ACAD11: variants seen among roughly 807,000 people sequenced by gnomAD.
ACAD11 encodes acyl-Coenzyme A dehydrogenase family, member 11.
A neutral mutation model predicts 102.2 loss-of-function variants in ACAD11; 83 were observed. That is an observed-to-expected ratio of 0.81 (90% CI 0.68 to 0.97). ACAD11 has a LOEUF of 0.97. Among genes scored for constraint, ACAD11 ranks in the 50% least tolerant of loss-of-function variants. The probability of loss-of-function intolerance (pLI) is 0.00; values close to 1 mark genes in which losing one functional copy is unlikely to be tolerated. For synonymous variants in ACAD11, 324 were observed against 319.8 expected (o/e 1.01, Z -0.14); for missense variants, 901 against 951.7 (o/e 0.95, Z 0.70).
At chr3:132,635,427 T>A (rs1181504312) in intron 5 of ACAD11, among the ~76,000 whole-genome samples, 1 of 152,224 alleles carries the variant, frequency 6.6e-6, no homozygotes, top group Admixed American at 6.5e-5. Context: ...TCCATATAAC[T>A]GTGTGTGCTT....
In ACAD11 at chr3:132,595,128, A is replaced by G. The variant is rs550270377; in HGVS notation, c.1621+8101T>C. Reference sequence around the variant, plus strand: ...GTCCAGATGGATGAGGGTTATTTTAAGTAGAGTAGTGAAGAATTGCCTCAG... The same window carrying G: ...GTCCAGATGGATGAGGGTTATTTTAGGTAGAGTAGTGAAGAATTGCCTCAG... On this transcript the variant is annotated intron_variant, in intron 13 of 19. Transcript: ENST00000264990. 2.0e-5 allele frequency among the ~76,000 whole-genome samples: 3 copies of G among 152,276 alleles called. No homozygotes were observed. The East Asian group carries it at 5.8e-4, about 29-fold the overall frequency.
At chr3:132,601,717 C>A (rs1243521875) in intron 13 of ACAD11, 2 of 446,226 alleles carry the variant, frequency 4.5e-6, no homozygotes, top group South Asian at 2.2e-5. Flanking sequence ...CGAAGAAGAG[C>A]TTTGTGGTGA....
At position 132,579,459 on chromosome 3, in the gene ACAD11, A is replaced by G. The variant is rs1318850556; in HGVS notation, c.1688+33T>C. 2.6e-6 allele frequency: 4 copies of G among 1,567,634 alleles called. No homozygotes were observed. The South Asian group carries it at 4.5e-5, about 17-fold the overall frequency. The stretch of plus-strand genomic sequence containing the variant: ...ATAGGAGGAAGACTGGCTCATTCCT[A>G]CACAGGTTTCTCAATCAGAATTGTT... On this transcript the variant is annotated intron_variant, in intron 14 of 19. Transcript: ENST00000264990.
At chr3:132,621,579 G>T (rs1361557867) in intron 9 of ACAD11, among the ~76,000 whole-genome samples, 1 of 152,120 alleles carries the variant, frequency 6.6e-6, no homozygotes, top group Non-Finnish European at 1.5e-5. Context: ...AAAGGAAAGG[G>T]AAAAGTTTAC....
chr3:132,599,304 G>T (rs1458060916), intron 13 of ACAD11, among the ~76,000 whole-genome samples: 5 of 152,024 alleles, frequency 3.3e-5, no homozygotes, highest in African/African-American at 9.7e-5. Context: ...TCAGGAGTGC[G>T]AGAACAGTCT....
Position 132,566,804 on chromosome 3 carries a change from A to G in ACAD11, c.2002-5587T>C, listed in dbSNP as rs114457585. Among the ~76,000 whole-genome samples the G allele has an allele frequency of 3.7e-3, 563 of 152,302 alleles. 5 individuals carry two copies. Among genetic ancestry groups the G allele is most frequent in the African/African-American group, 0.012 (503 of 41,580 alleles). On this transcript the variant is annotated intron_variant, in intron 17 of 19. Coordinates refer to ENST00000264990, the MANE Select transcript of ACAD11 (RefSeq NM_032169.5). ...CTCTAAATGGAAAGAAAAAGATAAAAGAAGAAACCTTGGAAAATCAGGAAA... is the reference window on the plus strand; with the variant it reads ...CTCTAAATGGAAAGAAAAAGATAAAGGAAGAAACCTTGGAAAATCAGGAAA...
Position 132,561,130 on chromosome 3 carries a change from T to A in ACAD11, c.2089A>T (p.Thr697Ser). The A allele has an allele frequency of 5.0e-6, 8 of 1,613,228 alleles. No individual in the cohort carries two copies. The highest frequency in any genetic ancestry group is 6.8e-6 in the Non-Finnish European group (8 of 1,179,546). ...LTLKAAHSMD[T>S]LGSAGAKKEI... ...TTCTTAGCGCCAGCACTGCCCAGAGTGTCCATGCTGTGAGCAGCTTTCAGA... is the reference window on the plus strand; with the variant it reads ...TTCTTAGCGCCAGCACTGCCCAGAGAGTCCATGCTGTGAGCAGCTTTCAGA... Residue 697 changes from threonine (T) to serine (S), a missense_variant, in exon 18 of 20, where the codon ACT becomes TCT. Coordinates refer to ENST00000264990, the MANE Select transcript of ACAD11 (RefSeq NM_032169.5).
chr3:132,582,246 A>G (rs1937611901), intron 13 of ACAD11, among the ~76,000 whole-genome samples: 1 of 151,936 alleles, frequency 6.6e-6, no homozygotes, highest in Non-Finnish European at 1.5e-5. Flanking sequence ...TGGAGAGCCA[A>G]TGGATACTGT....
At position 132,579,141 on chromosome 3, in the gene ACAD11, A is replaced by G. The variant is rs1209144760; in HGVS notation, c.1689-260T>C. 5 of 1,152,472 alleles carry G rather than the reference A, an allele frequency of 4.3e-6. No homozygotes were observed. The Admixed American group carries it at 1.3e-4, about 30-fold the overall frequency. The allele number at this position is 1,152,472 out of a possible 1,614,324, so 71.4% of individuals were successfully genotyped here. ...TCAACAATGGTAACTGGGAACTTAT[A>G]TATATAATTAAACATTTCAAGATTA... On this transcript the variant is annotated intron_variant, in intron 14 of 19. Transcript: ENST00000264990.
intron 9 of ACAD11, 34 bp from the exon 10 acceptor site, chr3:132,619,579 TA>T (rs757772389): frequency 3.3e-6 from 4 of 1,206,400 alleles, no homozygotes; most frequent in Admixed American, 4.7e-5. Context: ...TTTCACTAGC[TA>T]AAGTTAATAC....
intron 13 of ACAD11, among the ~76,000 whole-genome samples, chr3:132,585,818 A>T (rs1329566272): frequency 6.6e-6 from 1 of 151,938 alleles, no homozygotes; most frequent in Non-Finnish European, 1.5e-5. Context: ...TTAGAATGGC[A>T]ATCATTAAAA....
At chr3:132,624,086 G>A (rs2107855234) in intron 9 of ACAD11, among the ~76,000 whole-genome samples, 1 of 151,482 alleles carries the variant, frequency 6.6e-6, no homozygotes, top group South Asian at 2.1e-4. Flanking sequence ...AGGCTGAGGT[G>A]GGAGGATTGC....
chr3:132,622,471 A>T (rs966744871), intron 9 of ACAD11, among the ~76,000 whole-genome samples: 1 of 152,146 alleles, frequency 6.6e-6, no homozygotes, highest in Non-Finnish European at 1.5e-5. Flanking sequence ...TACATTTCTC[A>T]TTTTCTAATC....
intron 12 of ACAD11, among the ~76,000 whole-genome samples, chr3:132,604,737 T>C (rs1938763704): frequency 6.6e-6 from 1 of 152,202 alleles, no homozygotes; most frequent in Non-Finnish European, 1.5e-5. Flanking sequence ...TAAGTATCAA[T>C]ATAAAATTAT....
chr3:132,585,716 T>C (rs931285841), intron 13 of ACAD11, among the ~76,000 whole-genome samples: 3 of 152,260 alleles, frequency 2.0e-5, no homozygotes, highest in Non-Finnish European at 4.4e-5. Flanking sequence ...AAGACATTTA[T>C]GCAGCCAAAA....
At chr3:132,646,186 G>A (rs1251072064) in intron 1 of ACAD11, among the ~76,000 whole-genome samples, 1 of 152,070 alleles carries the variant, frequency 6.6e-6, no homozygotes, top group Non-Finnish European at 1.5e-5. Flanking sequence ...CCGTGGTCTC[G>A]ATCTCTTGAC....
intron 16 of ACAD11, 85 bp downstream of exon 16, chr3:132,576,859 A>C (rs1559936194): frequency 9.8e-7 from 1 of 1,018,396 alleles, no homozygotes; most frequent in African/African-American, 1.6e-5. Context: ...CTTCAGGTCT[A>C]AATCTGGAAA....
chr3:132,579,814 C>T lies in ACAD11; in HGVS notation c.1622-256G>A, dbSNP rs57968707. On this transcript the variant is annotated intron_variant, in intron 13 of 19. Transcript: ENST00000264990. ...CAGAAGTCAAAGCAGCATGAAAGAA[C>T]TGCCACCTCTCCCATTTACACCATT... 7.5e-3 allele frequency among the ~76,000 whole-genome samples: 1,144 copies of T among 152,204 alleles called. 12 individuals carry two copies. Among genetic ancestry groups the T allele is most frequent in the African/African-American group, 0.024 (1,010 of 41,556 alleles).
intron 1 of ACAD11, chr3:132,647,491 A>G (rs1940759069): frequency 1.3e-5 from 2 of 152,224 alleles, no homozygotes; most frequent in African/African-American, 4.8e-5. Flanking sequence ...AAGACTTTAA[A>G]CAGACAATCT....
Sources: allele counts gnomAD v4.1 joint callset (sites outside exome capture counted in the v4.1 genomes callset), GRCh38; gene constraint gnomAD v4.1.1; transcripts MANE v1.5; gene names NCBI Gene and HGNC (gene_info 2026-07-23, HGNC 2026-07-21).